Variants in NRG1 observed in about 807,000 individuals in gnomAD.
NRG1 encodes the protein pro-neuregulin-1, membrane-bound isoform.
NRG1 carries 18 observed loss-of-function variants against 63.8 expected under a neutral mutation model. The ratio of observed to expected loss-of-function variants is 0.28; its 90% CI spans 0.19 to 0.42. The LOEUF is 0.42. NRG1 is among the 10% of genes least tolerant of loss of function. NRG1 has a pLI of 1.00. For synonymous variants in NRG1, 302 were observed against 301.3 expected (o/e 1.00, Z -0.02); for missense variants, 762 against 814.7 (o/e 0.94, Z 0.79).
At position 31,640,255 on chromosome 8, in the gene NRG1, C is replaced by G. The variant is rs1224659609; in HGVS notation, c.37+824C>G. On this transcript the variant is annotated intron_variant, in intron 1 of 10. Coordinates refer to the NRG1 transcript ENST00000519301. The surrounding 1 kb of genome is among the most constrained non-coding windows in gnomAD (Gnocchi z 6.3). ...GATCGAGGGAAAGGTGCACCCGCAG[C>G]GGCGGCAGCAGGGGGCACTCGACAG... 8.8e-7 allele frequency: 1 copy of G among 1,139,068 alleles called. No homozygotes were observed. Among genetic ancestry groups the G allele is most frequent in the African/African-American group, 1.6e-5 (1 of 60,654 alleles). The allele number at this position is 1,139,068 out of a possible 1,614,324, so 70.6% of individuals were successfully genotyped here. A position where few individuals can be genotyped will look rare whatever the true frequency, so the allele number is the denominator to read the frequency against.
chr8:31,898,111 C>T (rs779771445), intron 1 of NRG1, among the ~76,000 whole-genome samples: 1 of 151,646 alleles, frequency 6.6e-6, no homozygotes, highest in African/African-American at 2.4e-5. Context: ...TCAAATCAAA[C>T]CAATATACAT....
intron 5 of NRG1, among the ~76,000 whole-genome samples, chr8:32,624,599 A>G (rs1331808899): frequency 6.6e-6 from 1 of 152,218 alleles, no homozygotes; most frequent in Non-Finnish European, 1.5e-5. Flanking sequence ...GAAGAAAATA[A>G]TAAGCTGGAA....
intron 1 of NRG1, among the ~76,000 whole-genome samples, chr8:32,446,214 G>A (rs762214313): frequency 6.6e-6 from 1 of 152,162 alleles, no homozygotes; most frequent in Non-Finnish European, 1.5e-5. Context: ...GCAGCTTTGT[G>A]TCACAAGAAC....
chr8:31,978,015 C>T (rs1260451934), intron 1 of NRG1, among the ~76,000 whole-genome samples: 1 of 152,030 alleles, frequency 6.6e-6, no homozygotes, highest in East Asian at 1.9e-4. Flanking sequence ...AGGGAATGCC[C>T]TCTCAAATGT....
At chr8:31,898,127 A>C (rs983783562) in intron 1 of NRG1, among the ~76,000 whole-genome samples, 5 of 152,046 alleles carry the variant, frequency 3.3e-5, no homozygotes, top group Non-Finnish European at 5.9e-5. Context: ...TACATCTTAC[A>C]TATATTGATT....
chr8:32,505,877 T>C (rs1325091569), intron 1 of NRG1, among the ~76,000 whole-genome samples: 1 of 152,190 alleles, frequency 6.6e-6, no homozygotes, highest in Non-Finnish European at 1.5e-5. Context: ...GAAATTTTGC[T>C]AGTGTTTTTT....
chr8:32,101,764 AT>A, intron 1 of NRG1, among the ~76,000 whole-genome samples: 1 of 152,116 alleles, frequency 6.6e-6, no homozygotes, highest in Non-Finnish European at 1.5e-5. Context: ...AACTCTAAAG[AT>A]TTTCCCTTAT....
intron 1 of NRG1, among the ~76,000 whole-genome samples, chr8:31,931,189 C>A (rs530542552): frequency 6.6e-6 from 1 of 151,936 alleles, no homozygotes; most frequent in Non-Finnish European, 1.5e-5. Flanking sequence ...TTGAGTACAC[C>A]GACCTCTCAC....
intron 2 of NRG1, among the ~76,000 whole-genome samples, chr8:32,604,236 C>A (rs564728824): frequency 6.6e-6 from 1 of 152,146 alleles, no homozygotes; most frequent in East Asian, 1.9e-4. Flanking sequence ...AATGCAGGAC[C>A]CCCATTGTAG....
At chr8:31,829,902 A>C (rs778687414) in intron 1 of NRG1, among the ~76,000 whole-genome samples, 15 of 152,230 alleles carry the variant, frequency 9.9e-5, no homozygotes, top group Non-Finnish European at 2.2e-4. Flanking sequence ...TCTGCCATAG[A>C]TAGATATTTT....
rs78911958 is a variant in NRG1 at position 32,453,748 on chromosome 8, C to T, written c.38-142080C>T. 9.0e-3 allele frequency among the ~76,000 whole-genome samples: 1,363 copies of T among 152,200 alleles called. 14 individuals carry two copies. Among genetic ancestry groups the T allele is most frequent in the East Asian group, 0.047 (245 of 5,182 alleles). ...ACTCAACTCCTGAAACAAATAACAC[C>T]GACCTAAAACATTTATAATAACTGA... On this transcript the variant is annotated intron_variant, in intron 1 of 10. Coordinates refer to the NRG1 transcript ENST00000519301.
rs926484447 is a variant in NRG1, at chr8:31,855,652, C to T, written c.37+216221C>T. Among the ~76,000 whole-genome samples the T allele has an allele frequency of 1.7e-4, 26 of 152,188 alleles. 1 individual carries two copies. Among genetic ancestry groups the T allele is most frequent in the African/African-American group, 6.3e-4 (26 of 41,514 alleles). ...TGTTATGTGTGAATTTGATCCTGTC[C>T]TTATGATGTTAGCTGGTTATTTTGC... On this transcript the variant is annotated intron_variant, in intron 1 of 10. Transcript: ENST00000519301.
At chr8:32,053,310 C>T (rs562509261) in intron 1 of NRG1, among the ~76,000 whole-genome samples, 5 of 152,148 alleles carry the variant, frequency 3.3e-5, no homozygotes, top group South Asian at 2.1e-4. Context: ...GGCCGATACA[C>T]GCTTCACAAG....
intron 1 of NRG1, among the ~76,000 whole-genome samples, chr8:32,375,432 A>G (rs968324331): frequency 1.3e-5 from 2 of 152,244 alleles, no homozygotes; most frequent in South Asian, 2.1e-4. Context: ...TGTCAGTTGT[A>G]TATTTGATAA....
chr8:31,641,537 G>A (rs925138492), intron 1 of NRG1, among the ~76,000 whole-genome samples: 2 of 152,056 alleles, frequency 1.3e-5, no homozygotes, highest in Admixed American at 6.5e-5. Context: ...TATTCTTCCC[G>A]GGTCTGCTTC....
At chr8:32,072,468 C>G (rs554375031) in intron 1 of NRG1, among the ~76,000 whole-genome samples, 3 of 152,216 alleles carry the variant, frequency 2.0e-5, no homozygotes, top group East Asian at 3.9e-4. Flanking sequence ...CCCTTTGACT[C>G]TAATTAAAGA....
chr8:32,742,938 A>G lies in NRG1; in HGVS notation c.691+205A>G. On this transcript the variant is annotated intron_variant, in intron 7 of 11. Transcript: ENST00000356819. The surrounding 1 kb of genome is among the most constrained non-coding windows in gnomAD (Gnocchi z 4.2). ...CTGTTCGCGACTAGTTGGCTCTGAG[A>G]TACTAATAGGTGTGTGAGGCTCCGG... 4 of 1,449,024 alleles carry G rather than the reference A, an allele frequency of 2.8e-6. No homozygotes were observed. Among genetic ancestry groups the G allele is most frequent in the Non-Finnish European group, 3.6e-6 (4 of 1,099,442 alleles). 89.8% of individuals were successfully genotyped at this position (1,449,024 alleles called of 1,614,324 possible).
intron 6 of NRG1, chr8:32,728,757 T>A (rs1004365573): frequency 4.4e-5 from 31 of 704,038 alleles, no homozygotes; most frequent in Non-Finnish European, 4.9e-5. Flanking sequence ...AAGGAGTTGA[T>A]GCACCATTAA....
intron 1 of NRG1, among the ~76,000 whole-genome samples, chr8:32,097,591 T>C (rs1830053222): frequency 6.6e-6 from 1 of 152,142 alleles, no homozygotes; most frequent in Non-Finnish European, 1.5e-5. Context: ...TCCCAAATAA[T>C]TCCAGGAAAG....
Sources: allele counts gnomAD v4.1 joint callset (sites outside exome capture counted in the v4.1 genomes callset), GRCh38; gene constraint gnomAD v4.1.1; non-coding constraint Gnocchi (gnomAD v3.1); transcripts MANE v1.5; gene names NCBI Gene and HGNC (gene_info 2026-07-23, HGNC 2026-07-21).